The following GALNT17 variants were observed in gnomAD, a reference collection of about 807,000 sequenced individuals.
The protein encoded by GALNT17 is UDP-GalNAc:polypeptide N-acetylgalactosaminyltransferase-like 3.
A neutral mutation model predicts 63.7 loss-of-function variants in GALNT17; 29 were observed. That is an observed-to-expected ratio of 0.46 (90% CI 0.34 to 0.62). GALNT17 has a LOEUF of 0.62. Ranked by LOEUF, GALNT17 falls within the 20% of genes least tolerant of loss-of-function variation. The pLI, the probability that GALNT17 is intolerant of heterozygous loss-of-function variation, is 0.01. For synonymous variants in GALNT17, 305 were observed against 318.3 expected (o/e 0.96, Z 0.45); for missense variants, 603 against 799.6 (o/e 0.75, Z 2.97).
chr7:71,278,889 C>A (rs993115946), intron 1 of GALNT17, among the ~76,000 whole-genome samples: 11 of 151,674 alleles, frequency 7.3e-5, no homozygotes, highest in Admixed American at 2.0e-4. Context: ...AACCTTCTTC[C>A]CTCTGTGTAT....
chr7:71,596,639 A>G (rs1400334870), intron 6 of GALNT17, among the ~76,000 whole-genome samples: 1 of 152,010 alleles, frequency 6.6e-6, no homozygotes, highest in Admixed American at 6.6e-5. Flanking sequence ...TCCTCTGTGC[A>G]ATGGAAGATG....
intron 1 of GALNT17, among the ~76,000 whole-genome samples, chr7:71,267,417 A>G (rs904866970): frequency 6.6e-6 from 1 of 151,560 alleles, no homozygotes. Flanking sequence ...TAACATAGAC[A>G]TAAATAAGTC....
intron 5 of GALNT17, among the ~76,000 whole-genome samples, chr7:71,452,241 T>A (rs1297981118): frequency 1.3e-5 from 2 of 149,372 alleles, no homozygotes; most frequent in African/African-American, 5.0e-5. Context: ...AGGCTCTCTT[T>A]AGAAAAAAAA....
chr7:71,295,739 C>G (rs1248354053), intron 1 of GALNT17, among the ~76,000 whole-genome samples: 1 of 152,014 alleles, frequency 6.6e-6, no homozygotes, highest in Non-Finnish European at 1.5e-5. Context: ...GCTGGAACTA[C>G]AGGTGCACAC....
chr7:71,433,640 G>T (rs987619007), intron 5 of GALNT17, among the ~76,000 whole-genome samples: 2 of 152,144 alleles, frequency 1.3e-5, no homozygotes, highest in African/African-American at 4.8e-5. Context: ...TTAACCCTGA[G>T]ATTTTGCCTG....
intron 2 of GALNT17, among the ~76,000 whole-genome samples, chr7:71,387,501 T>C (rs1313330165): frequency 2.0e-5 from 3 of 151,890 alleles, no homozygotes; most frequent in Admixed American, 2.0e-4. Context: ...AATTTTAAAA[T>C]TGTTTATAGG....
chr7:71,372,842 G>A (rs1413473013), intron 2 of GALNT17, among the ~76,000 whole-genome samples: 6 of 152,128 alleles, frequency 3.9e-5, no homozygotes, highest in South Asian at 2.1e-4. Context: ...GCCTACACAC[G>A]ATGGGGAAAA....
intron 5 of GALNT17, among the ~76,000 whole-genome samples, chr7:71,521,580 T>C (rs1242547811): frequency 6.6e-6 from 1 of 152,212 alleles, no homozygotes; most frequent in East Asian, 1.9e-4. Flanking sequence ...TGAAATCAGA[T>C]CACCGTGACT....
intron 5 of GALNT17, among the ~76,000 whole-genome samples, chr7:71,546,491 G>A (rs1788987990): frequency 1.3e-5 from 2 of 152,230 alleles, no homozygotes; most frequent in Admixed American, 6.5e-5. Context: ...CAGCGCTCAA[G>A]AAGAGACAGA....
intron 1 of GALNT17, among the ~76,000 whole-genome samples, chr7:71,321,933 C>T (rs1304634676): frequency 4.3e-5 from 3 of 69,574 alleles, no homozygotes; most frequent in African/African-American, 5.6e-5. Flanking sequence ...CCCTCCCTCC[C>T]TCCCTCCCTC....
At chr7:71,334,241 T>G (rs1255881978) in intron 1 of GALNT17, among the ~76,000 whole-genome samples, 1 of 152,178 alleles carries the variant, frequency 6.6e-6, no homozygotes, top group Non-Finnish European at 1.5e-5. Context: ...GAATACAAGC[T>G]TTGCCACTAG....
chr7:71,223,273 T>C (rs1226791093), intron 1 of GALNT17, among the ~76,000 whole-genome samples: 1 of 152,232 alleles, frequency 6.6e-6, no homozygotes, highest in Non-Finnish European at 1.5e-5. Flanking sequence ...TTTCTAGCTC[T>C]CTCATTCCTC....
At chr7:71,153,458 G>C (rs1316750421) in intron 1 of GALNT17, among the ~76,000 whole-genome samples, 1 of 152,156 alleles carries the variant, frequency 6.6e-6, no homozygotes, top group Non-Finnish European at 1.5e-5. Flanking sequence ...AGGGTGTTCA[G>C]GTTCTGTAAT....
chr7:71,398,900 G>C (rs1793187442), intron 3 of GALNT17, among the ~76,000 whole-genome samples: 1 of 152,176 alleles, frequency 6.6e-6, no homozygotes, highest in Non-Finnish European at 1.5e-5. Flanking sequence ...GGACTTACTG[G>C]ATTTGACAAT....
chr7:71,235,804 T>C (rs139838117), intron 1 of GALNT17, among the ~76,000 whole-genome samples: 4 of 152,254 alleles, frequency 2.6e-5, no homozygotes, highest in Non-Finnish European at 5.9e-5. Context: ...CTCCACTCCT[T>C]CTTCATGGGG....
chr7:71,266,992 A>C (rs2115668870), intron 1 of GALNT17, among the ~76,000 whole-genome samples: 1 of 152,338 alleles, frequency 6.6e-6, no homozygotes, highest in South Asian at 2.1e-4. Flanking sequence ...AAGTGTGCAG[A>C]GCCTCCAGTC....
intron 1 of GALNT17, among the ~76,000 whole-genome samples, chr7:71,169,291 C>T (rs1220755141): frequency 6.6e-6 from 1 of 152,146 alleles, no homozygotes; most frequent in African/African-American, 2.4e-5. Flanking sequence ...CCGCCAGCAT[C>T]CCCCCTAGGC....
chr7:71,292,101 T>C (rs938032388), intron 1 of GALNT17, among the ~76,000 whole-genome samples: 10 of 152,258 alleles, frequency 6.6e-5, no homozygotes, highest in African/African-American at 9.6e-5. Flanking sequence ...GATTTGATTT[T>C]CTTCTTGAAC....
intron 1 of GALNT17, among the ~76,000 whole-genome samples, chr7:71,263,759 TAA>T (rs1156359808): frequency 9.9e-5 from 15 of 151,830 alleles, no homozygotes; most frequent in East Asian, 1.9e-4. Flanking sequence ...CCGTCTCTAC[TAA>T]AAAAATACAA....
Sources: gnomAD v4.1 joint callset for allele counts (sites outside exome capture counted in the v4.1 genomes callset) on GRCh38, gnomAD v4.1.1 for gene constraint, MANE v1.5 for transcripts, NCBI Gene and HGNC (gene_info 2026-07-23, HGNC 2026-07-21) for gene names.